The following RPH3A variants were observed in gnomAD, a reference collection of about 807,000 sequenced individuals.
RPH3A encodes rabphilin-3A.
In RPH3A, 48 loss-of-function variants were observed where a neutral mutation model predicts 102.2. That is an observed-to-expected ratio of 0.47 (90% confidence interval 0.37 to 0.60). RPH3A has a LOEUF of 0.60. Ranked by LOEUF, RPH3A falls within the 20% of genes least tolerant of loss-of-function variation. The probability of loss-of-function intolerance (pLI) is 0.00; values close to 1 mark genes in which losing one functional copy is unlikely to be tolerated. For missense variants in RPH3A, 781 were observed against 910.1 expected (o/e 0.86, Z 1.83); for synonymous variants, 310 against 324.3 (o/e 0.96, Z 0.47).
At chr12:112,588,399 C>A (rs887329990) in intron 1 of RPH3A, among the ~76,000 whole-genome samples, 2 of 148,544 alleles carry the variant, frequency 1.3e-5, no homozygotes, top group African/African-American at 5.0e-5. Context: ...AAAGAAAGTG[C>A]GTGCAGGGGA....
intron 1 of RPH3A, among the ~76,000 whole-genome samples, chr12:112,667,234 A>G (rs1206760108): frequency 3.9e-5 from 6 of 152,228 alleles, no homozygotes; most frequent in Non-Finnish European, 8.8e-5. Flanking sequence ...GGCAACTCCC[A>G]GATACATATC....
intron 1 of RPH3A, among the ~76,000 whole-genome samples, chr12:112,730,759 T>C (rs1293595805): frequency 6.6e-6 from 1 of 152,068 alleles, no homozygotes; most frequent in Non-Finnish European, 1.5e-5. Flanking sequence ...ACCAACGTCA[T>C]TGGAAGCAGG....
intron 11 of RPH3A, 82 bp from the exon 12 acceptor site, chr12:112,875,597 G>A: frequency 1.6e-6 from 2 of 1,261,120 alleles, no homozygotes; most frequent in Non-Finnish European, 2.3e-6. Flanking sequence ...GTCCACACCT[G>A]TGAAATGAAA....
At chr12:112,858,327 C>T (rs1362219621) in intron 5 of RPH3A, among the ~76,000 whole-genome samples, 2 of 146,802 alleles carry the variant, frequency 1.4e-5, no homozygotes, top group South Asian at 2.2e-4. Context: ...AAAAGGCGGG[C>T]GGGGGTGAAG....
At chr12:112,827,152 T>A (rs1256482270) in intron 2 of RPH3A, among the ~76,000 whole-genome samples, 1 of 152,166 alleles carries the variant, frequency 6.6e-6, no homozygotes, top group Non-Finnish European at 1.5e-5. Flanking sequence ...GAGTTGTGGA[T>A]CCATCACCAT....
At chr12:112,633,143 TG>T (rs760700899) in intron 1 of RPH3A, among the ~76,000 whole-genome samples, 1 of 152,050 alleles carries the variant, frequency 6.6e-6, no homozygotes, top group African/African-American at 2.4e-5. Flanking sequence ...GGAGTTCACT[TG>T]AGCTATGATC....
chr12:112,871,910 A>G (rs889148908), intron 10 of RPH3A, among the ~76,000 whole-genome samples: 2 of 151,044 alleles, frequency 1.3e-5, no homozygotes, highest in African/African-American at 4.9e-5. Context: ...GTGTGTGTAT[A>G]TATATATTAT....
intron 17 of RPH3A, among the ~76,000 whole-genome samples, chr12:112,889,606 G>A (rs182825100): frequency 6.6e-6 from 1 of 152,196 alleles, no homozygotes; most frequent in Non-Finnish European, 1.5e-5. Context: ...TTCAGCAAAA[G>A]GGCCCCAGGG....
intron 1 of RPH3A, among the ~76,000 whole-genome samples, chr12:112,587,083 C>T (rs1424032996): frequency 6.6e-6 from 1 of 152,194 alleles, no homozygotes; most frequent in Non-Finnish European, 1.5e-5. Flanking sequence ...AATACATGTG[C>T]TTTATAAACT....
intron 11 of RPH3A, 57 bp downstream of exon 11, chr12:112,875,227 A>C: frequency 3.5e-5 from 46 of 1,328,882 alleles, no homozygotes; most frequent in Non-Finnish European, 4.3e-5. Flanking sequence ...TGTGACCCTC[A>C]TACCTCCCAT....
At chr12:112,666,880 G>T (rs1389418475) in intron 1 of RPH3A, among the ~76,000 whole-genome samples, 1 of 152,172 alleles carries the variant, frequency 6.6e-6, no homozygotes, top group Non-Finnish European at 1.5e-5. Flanking sequence ...CATCATGACT[G>T]ATTTCCAGTC....
chr12:112,765,109 AG>A (rs1241417564), intron 1 of RPH3A, among the ~76,000 whole-genome samples: 5 of 152,132 alleles, frequency 3.3e-5, no homozygotes, highest in African/African-American at 1.2e-4. Context: ...ATTCACTAAA[AG>A]TTCTCCATTC....
At chr12:112,651,429 C>T (rs750677627) in intron 1 of RPH3A, among the ~76,000 whole-genome samples, 8 of 151,994 alleles carry the variant, frequency 5.3e-5, no homozygotes, top group South Asian at 2.1e-4. Context: ...AACCAACTCC[C>T]GCCCCCAGCT....
chr12:112,802,406 G>T (rs999518870), intron 2 of RPH3A, among the ~76,000 whole-genome samples: 1 of 152,168 alleles, frequency 6.6e-6, no homozygotes. Context: ...TTATAAGCCT[G>T]CTTGAGAGTG....
chr12:112,772,855 C>G (rs902791484), intron 1 of RPH3A, among the ~76,000 whole-genome samples: 2 of 151,894 alleles, frequency 1.3e-5, no homozygotes, highest in Non-Finnish European at 2.9e-5. Flanking sequence ...ATACACTGCA[C>G]CATATTTGTA....
intron 1 of RPH3A, among the ~76,000 whole-genome samples, chr12:112,701,284 G>A (rs1267683575): frequency 6.6e-6 from 1 of 152,200 alleles, no homozygotes; most frequent in Non-Finnish European, 1.5e-5. Flanking sequence ...AGGAAAAGGT[G>A]TAATGATAGA....
intron 13 of RPH3A, among the ~76,000 whole-genome samples, chr12:112,878,193 T>C (rs1189177532): frequency 2.0e-5 from 3 of 152,224 alleles, no homozygotes; most frequent in South Asian, 2.1e-4. Flanking sequence ...GGTTCTGCTC[T>C]GAAAATGCCC....
chr12:112,854,066 T>G (rs1213434203), intron 5 of RPH3A, among the ~76,000 whole-genome samples: 1 of 152,232 alleles, frequency 6.6e-6, no homozygotes, highest in Non-Finnish European at 1.5e-5. Flanking sequence ...TCAGGGCTTC[T>G]CAAGTTCAGC....
At chr12:112,765,883 GA>G (rs2040885292) in intron 1 of RPH3A, among the ~76,000 whole-genome samples, 1 of 152,166 alleles carries the variant, frequency 6.6e-6, no homozygotes, top group African/African-American at 2.4e-5. Context: ...GTTGTTGCAG[GA>G]AACCAGGAAA....
Sources: allele counts gnomAD v4.1 joint callset (sites outside exome capture counted in the v4.1 genomes callset), GRCh38; gene constraint gnomAD v4.1.1; transcripts MANE v1.5; gene names NCBI Gene and HGNC (gene_info 2026-07-23, HGNC 2026-07-21).